The following FOXN3 variants were observed in gnomAD, a reference collection of about 807,000 sequenced individuals.
FOXN3 encodes forkhead box N3.
A neutral mutation model predicts 38.4 loss-of-function variants in FOXN3; 7 were observed. The observed-to-expected ratio is 0.18, with a 90% CI of 0.10 to 0.34. The LOEUF is 0.34. FOXN3 is among the 10% of genes least tolerant of loss of function. FOXN3 has a pLI of 1.00. For synonymous variants in FOXN3, 230 were observed against 242.2 expected, an observed-to-expected ratio of 0.95 and a Z score of 0.47; for missense variants, 456 against 613.4, an observed-to-expected ratio of 0.74 and a Z score of 2.71.
In FOXN3 at chr14:89,260,206, C is replaced by T. The variant is rs140178747; in HGVS notation, c.745+20744G>A. On this transcript the variant is annotated intron_variant, in intron 4 of 5. Coordinates refer to ENST00000557258, the MANE Select transcript of FOXN3 (RefSeq NM_005197.4). Reference sequence around the variant, plus strand: ...AGTCGGTGCTTACGTAACTGCTCCTCCATAGTTTTAATCTGAACTAACTCC... The same window carrying T: ...AGTCGGTGCTTACGTAACTGCTCCTTCATAGTTTTAATCTGAACTAACTCC... Among the ~76,000 whole-genome samples, 62 of 152,376 alleles carry T rather than the reference C, an allele frequency of 4.1e-4. 1 individual carries two copies. The East Asian group carries it at 0.011, about 27-fold the overall frequency.
At chr14:89,212,586 C>T (rs1238252311) in intron 4 of FOXN3, among the ~76,000 whole-genome samples, 4 of 152,166 alleles carry the variant, frequency 2.6e-5, no homozygotes, top group African/African-American at 4.8e-5. Flanking sequence ...CACACAGATC[C>T]GGCGATGGCA....
At chr14:89,342,743 T>TA (rs1306543892) in intron 3 of FOXN3, among the ~76,000 whole-genome samples, 5 of 152,210 alleles carry the variant, frequency 3.3e-5, no homozygotes, top group Admixed American at 3.3e-4. Context: ...TGAAGCTTCA[T>TA]ATTGATTTTT....
At chr14:89,369,083 G>A (rs1210840692) in intron 2 of FOXN3, among the ~76,000 whole-genome samples, 1 of 152,204 alleles carries the variant, frequency 6.6e-6, no homozygotes, top group Non-Finnish European at 1.5e-5. Flanking sequence ...TCCTGGGGGA[G>A]GGGAGAGGCA....
At position 89,366,548 on chromosome 14, in the gene FOXN3, T is replaced by A. The variant is rs139126880; in HGVS notation, c.544-15740A>T. On this transcript the variant is annotated intron_variant, in intron 2 of 5. Coordinates refer to ENST00000557258, the MANE Select transcript of FOXN3 (RefSeq NM_005197.4). ...GGCAAGCTGACAGTGCTAGTAGGGA[T>A]GAGGGGAAATAAAATTCACCACTCA... Among the ~76,000 whole-genome samples, 828 of 152,306 alleles carry A rather than the reference T, an allele frequency of 5.4e-3. 10 individuals carry two copies. The highest frequency in any genetic ancestry group is 0.018 in the African/African-American group (763 of 41,554).
chr14:89,381,008 G>A (rs754136832), intron 2 of FOXN3, among the ~76,000 whole-genome samples: 5 of 151,950 alleles, frequency 3.3e-5, no homozygotes, highest in Non-Finnish European at 7.4e-5. Flanking sequence ...CAGGTGTGGT[G>A]GCGTGTGCCC....
chr14:89,387,512 G>A (rs939449808), intron 2 of FOXN3, among the ~76,000 whole-genome samples: 4 of 152,152 alleles, frequency 2.6e-5, no homozygotes, highest in Non-Finnish European at 4.4e-5. Flanking sequence ...CTAGCAAGTC[G>A]TAAAACAAAG....
chr14:89,207,178 C>T (rs1177752407), intron 4 of FOXN3, among the ~76,000 whole-genome samples: 3 of 152,032 alleles, frequency 2.0e-5, no homozygotes, highest in Non-Finnish European at 4.4e-5. Flanking sequence ...CCGAGACGCA[C>T]CACTGCACTC....
At chr14:89,261,701 G>A (rs1287736839) in intron 4 of FOXN3, among the ~76,000 whole-genome samples, 9 of 152,078 alleles carry the variant, frequency 5.9e-5, no homozygotes, top group South Asian at 2.1e-4. Context: ...AGGCTGAGGC[G>A]GGCGGATCAC....
At chr14:89,482,757 G>T (rs138845541) in intron 1 of FOXN3, among the ~76,000 whole-genome samples, 1,429 of 138,418 alleles carry the variant, frequency 0.01, 26 homozygotes, top group African/African-American at 0.037. Flanking sequence ...AAAAAATAAA[G>T]AAATTAGCTG....
intron 2 of FOXN3, among the ~76,000 whole-genome samples, chr14:89,383,029 G>GTTTT (rs57032907): frequency 7.0e-4 from 65 of 92,522 alleles, no homozygotes; most frequent in African/African-American, 1.9e-3. Context: ...TTTGGGTGGT[G>GTTTT]TTTTTTTTTT....
chr14:89,227,414 C>T (rs759755516), intron 4 of FOXN3, among the ~76,000 whole-genome samples: 10 of 152,218 alleles, frequency 6.6e-5, no homozygotes, highest in South Asian at 2.1e-4. Context: ...ACTCCCTTCA[C>T]GGCATTTACT....
chr14:89,422,435 G>C (rs530413933), intron 1 of FOXN3, among the ~76,000 whole-genome samples: 1 of 152,318 alleles, frequency 6.6e-6, no homozygotes, highest in South Asian at 2.1e-4. Context: ...ACAAATGAAC[G>C]CAAGACAGTC....
intron 3 of FOXN3, among the ~76,000 whole-genome samples, chr14:89,283,085 AG>A (rs1296272122): frequency 6.6e-6 from 1 of 152,124 alleles, no homozygotes; most frequent in Non-Finnish European, 1.5e-5. Flanking sequence ...GTCTCTTTCC[AG>A]CTCAGGGTAA....
chr14:89,609,097 A>G (rs68126243), intron 1 of FOXN3, among the ~76,000 whole-genome samples: 15,466 of 152,230 alleles, frequency 0.1, 1,094 homozygotes, highest in Admixed American at 0.17. Context: ...CACTGACTAG[A>G]TCCTGGGGCA....
intron 2 of FOXN3, among the ~76,000 whole-genome samples, chr14:89,403,055 G>A (rs1436769376): frequency 6.6e-6 from 1 of 152,156 alleles, no homozygotes; most frequent in Non-Finnish European, 1.5e-5. Flanking sequence ...GCCTAACTTT[G>A]AATGATACCA....
At chr14:89,603,514 A>G (rs1896201551) in intron 1 of FOXN3, among the ~76,000 whole-genome samples, 1 of 152,178 alleles carries the variant, frequency 6.6e-6, no homozygotes, top group Non-Finnish European at 1.5e-5. Context: ...TGCACATATG[A>G]TCTGTACCGT....
chr14:89,293,948 G>A (rs905825126), intron 3 of FOXN3, among the ~76,000 whole-genome samples: 5 of 152,070 alleles, frequency 3.3e-5, no homozygotes, highest in African/African-American at 9.7e-5. Context: ...TCAGCATTCC[G>A]CAAAGAACAA....
intron 2 of FOXN3, among the ~76,000 whole-genome samples, chr14:89,407,480 G>A (rs375953178): frequency 2.4e-4 from 37 of 152,330 alleles, no homozygotes; most frequent in African/African-American, 5.8e-4. Flanking sequence ...GTAAGAAACC[G>A]TCAATTATTC....
chr14:89,463,020 A>G (rs1422706029), intron 1 of FOXN3, among the ~76,000 whole-genome samples: 2 of 149,428 alleles, frequency 1.3e-5, no homozygotes, highest in East Asian at 4.3e-4. Context: ...CAGACCGGCC[A>G]GGCGCAGTGG....
Sources: gnomAD v4.1 joint callset for allele counts (sites outside exome capture counted in the v4.1 genomes callset) on GRCh38, gnomAD v4.1.1 for gene constraint, MANE v1.5 for transcripts, NCBI Gene and HGNC (gene_info 2026-07-23, HGNC 2026-07-21) for gene names.